NCMAP: variants seen among roughly 807,000 people sequenced by gnomAD.
NCMAP encodes noncompact myelin-associated protein.
In NCMAP, 8 loss-of-function variants were observed where a neutral mutation model predicts 7.8. The ratio of observed to expected loss-of-function variants is 1.02; its 90% CI spans 0.60 to 1.84. NCMAP has a LOEUF of 1.84. Ranked by LOEUF, NCMAP falls within the 40% of genes most tolerant of loss-of-function variation. The pLI is 0.00. For synonymous variants in NCMAP, 41 were observed against 52.9 expected (o/e 0.78, Z 0.98); for missense variants, 112 against 131.4 (o/e 0.85, Z 0.72).
At chr1:24,560,158 C>T (rs1432173217) in intron 1 of NCMAP, among the ~76,000 whole-genome samples, 2 of 74,160 alleles carry the variant, frequency 2.7e-5, no homozygotes, top group South Asian at 4.5e-4. Flanking sequence ...CAGACTCCAT[C>T]TCAAAAAAAA....
In NCMAP at chr1:24,595,324, A is replaced by C; in HGVS notation, c.-7-100A>C. On this transcript the variant is annotated intron_variant, in intron 1 of 3. Coordinates refer to ENST00000374392, the MANE Select transcript of NCMAP (RefSeq NM_001010980.5). ...CTGCCAAGAGAAACTGCATGCTTGA[A>C]TATTCTACAGTCATCCAGATAAAGA... The C allele has an allele frequency of 2.7e-6, 2 of 751,832 alleles. 1 individual carries two copies. Among genetic ancestry groups the C allele is most frequent in the Non-Finnish European group, 4.3e-6 (2 of 460,920 alleles). The allele number at this position is 751,832 out of a possible 1,614,324, so 46.6% of individuals were successfully genotyped here.
chr1:24,585,904 C>G (rs1394577394), intron 1 of NCMAP, among the ~76,000 whole-genome samples: 2 of 152,218 alleles, frequency 1.3e-5, no homozygotes, highest in Non-Finnish European at 2.9e-5. Flanking sequence ...GACTCCCTCA[C>G]CTCCCTGTTT....
At chr1:24,598,981 TTGAAGCTAAAA>T (rs1019929865) in intron 2 of NCMAP, among the ~76,000 whole-genome samples, 1 of 151,706 alleles carries the variant, frequency 6.6e-6, no homozygotes, top group African/African-American at 2.4e-5. Flanking sequence ...GATGTTGATC[TTGAAGCTAAAA>T]TTGGAGGCCG....
chr1:24,573,071 C>T (rs921047849), intron 1 of NCMAP, among the ~76,000 whole-genome samples: 1 of 150,420 alleles, frequency 6.6e-6, no homozygotes, highest in Non-Finnish European at 1.5e-5. Flanking sequence ...CCTCTACACC[C>T]CAGGTCTAGG....
chr1:24,579,215 A>T (rs1436304407), intron 1 of NCMAP, among the ~76,000 whole-genome samples: 1 of 150,604 alleles, frequency 6.6e-6, no homozygotes, highest in Non-Finnish European at 1.5e-5. Context: ...TTTTTTAAAG[A>T]CTTCATGCCC....
Position 24,605,896 on chromosome 1 carries a change from T to C in NCMAP, c.*149T>C. 1.1e-6 allele frequency: 1 copy of C among 945,800 alleles called. No homozygotes were observed. The highest frequency in any genetic ancestry group is 1.6e-6 in the Non-Finnish European group (1 of 644,004). The allele number at this position is 945,800 out of a possible 1,614,324, so 58.6% of individuals were successfully genotyped here. A position where few individuals can be genotyped will look rare whatever the true frequency, so the allele number is the denominator to read the frequency against. ...ACGCAATCTCTGATGCTTCCAGCAA[T>C]CCTCAACCTTGTCTGCCCTGCCCTA... On this transcript the variant is annotated 3_prime_UTR_variant, in exon 4 of 4. Coordinates refer to ENST00000374392, the MANE Select transcript of NCMAP (RefSeq NM_001010980.5).
At chr1:24,565,572 TTGTGTGTGTGTGTGTGTGTGTG>T (rs58714256) in intron 1 of NCMAP, among the ~76,000 whole-genome samples, 4 of 143,672 alleles carry the variant, frequency 2.8e-5, no homozygotes, top group East Asian at 2.1e-4. Flanking sequence ...TGATAGAAGA[TTGTGTGTGTGTGTGTGTGTGTG>T]TGTGTGTGTG....
chr1:24,593,857 A>ATTAT (rs139852120), intron 1 of NCMAP, among the ~76,000 whole-genome samples: 3,582 of 144,686 alleles, frequency 0.025, 56 homozygotes, highest in Non-Finnish European at 0.026. Context: ...GTTCAGAGCG[A>ATTAT]TTATTTATTT....
At chr1:24,602,972 G>A (rs529494520) in intron 3 of NCMAP, among the ~76,000 whole-genome samples, 10 of 152,122 alleles carry the variant, frequency 6.6e-5, no homozygotes, top group Admixed American at 6.5e-4. Flanking sequence ...CCCGGGAGGC[G>A]GAGGTTGCAG....
chr1:24,605,763 T>G lies in NCMAP; in HGVS notation c.*16T>G. On this transcript the variant is annotated 3_prime_UTR_variant, in exon 4 of 4. Transcript: ENST00000374392. ...GACGCGATGACCTCTACCCTGGCGC[T>G]ATCTCCACCACTGTCCAAAGAGCCT... 1 of 1,613,970 alleles carries G rather than the reference T, an allele frequency of 6.2e-7. No homozygotes were observed. The highest frequency in any genetic ancestry group is 8.5e-7 in the Non-Finnish European group (1 of 1,179,888).
intron 1 of NCMAP, among the ~76,000 whole-genome samples, chr1:24,560,686 G>A (rs1000885554): frequency 6.6e-6 from 1 of 151,934 alleles, no homozygotes; most frequent in Admixed American, 6.6e-5. Context: ...TGAGGCTGTC[G>A]TGAGCTGTGA....
intron 1 of NCMAP, among the ~76,000 whole-genome samples, chr1:24,562,489 C>T (rs552367816): frequency 7.3e-4 from 111 of 152,338 alleles, no homozygotes; most frequent in African/African-American, 2.5e-3. Flanking sequence ...CCCGGTTCCC[C>T]ACTGTCTCCC....
At chr1:24,580,170 G>A (rs1418617575) in intron 1 of NCMAP, among the ~76,000 whole-genome samples, 3 of 152,350 alleles carry the variant, frequency 2.0e-5, no homozygotes, top group Middle Eastern at 3.4e-3. Context: ...TGTCCAATGC[G>A]GGAGCCACCA....
chr1:24,599,087 C>T (rs569044740), intron 2 of NCMAP, among the ~76,000 whole-genome samples: 112 of 150,840 alleles, frequency 7.4e-4, no homozygotes, highest in African/African-American at 2.3e-3. Context: ...CAAGACCAGC[C>T]TGGCCAACAT....
At chr1:24,557,586 A>C (rs1022638048) in intron 1 of NCMAP, among the ~76,000 whole-genome samples, 1 of 152,184 alleles carries the variant, frequency 6.6e-6, no homozygotes, top group African/African-American at 2.4e-5. Flanking sequence ...ATGATGGGGC[A>C]GGAACTCTAG....
At chr1:24,574,384 G>T (rs1370809535) in intron 1 of NCMAP, among the ~76,000 whole-genome samples, 1 of 152,012 alleles carries the variant, frequency 6.6e-6, no homozygotes, top group Admixed American at 6.5e-5. Flanking sequence ...CTCGCAAAGT[G>T]CTGGGATTAC....
intron 1 of NCMAP, among the ~76,000 whole-genome samples, chr1:24,567,764 G>A (rs944093677): frequency 6.6e-6 from 1 of 152,124 alleles, no homozygotes; most frequent in Non-Finnish European, 1.5e-5. Context: ...ATGGAGGAGG[G>A]AAGAAGTGGA....
rs545623636 is a variant in NCMAP at position 24,559,429 on chromosome 1, A to G, written c.-8+3260A>G. Among the ~76,000 whole-genome samples the G allele has an allele frequency of 1.2e-4, 18 of 152,350 alleles. No individual in the cohort carries two copies. The East Asian group carries it at 3.5e-3, about 29-fold the overall frequency. ...AGAAGGAAAGGGGCTGAGCCAAGAA[A>G]AGAGCCAGCAGTGAGTCCTGAGCAG... is the stretch of plus-strand genomic sequence containing the variant. On this transcript the variant is annotated intron_variant, in intron 1 of 3. Coordinates refer to ENST00000374392, the MANE Select transcript of NCMAP (RefSeq NM_001010980.5).
rs58714256 is a variant in NCMAP, at chr1:24,565,572, T to TTGTGTGTGTGTGTGTGTG, written c.-8+9429_-8+9446dup. Among the ~76,000 whole-genome samples, 262 of 143,756 alleles carry TTGTGTGTGTGTGTGTGTG rather than the reference T, an allele frequency of 1.8e-3. 1 individual carries two copies. Among genetic ancestry groups the TTGTGTGTGTGTGTGTGTG allele is most frequent in the African/African-American group, 6.6e-3 (254 of 38,764 alleles). The allele number at this position is 143,756 out of a possible 152,430, so 94.3% of individuals were successfully genotyped here. ...GGCCATTTTTAGAAGTGATAGAAGA[T>TTGTGTGTGTGTGTGTGTG]TGTGTGTGTGTGTGTGTGTGTGTGT... On this transcript the variant is annotated intron_variant, in intron 1 of 3. Coordinates refer to ENST00000374392, the MANE Select transcript of NCMAP (RefSeq NM_001010980.5).
Sources: gnomAD v4.1 joint callset for allele counts (sites outside exome capture counted in the v4.1 genomes callset) on GRCh38, gnomAD v4.1.1 for gene constraint, MANE v1.5 for transcripts, NCBI Gene and HGNC (gene_info 2026-07-23, HGNC 2026-07-21) for gene names.